Variants in FAP observed in about 807,000 individuals in gnomAD.
The protein encoded by FAP is fibroblast activation protein alpha.
In FAP, 110 loss-of-function variants were observed where a neutral mutation model predicts 126.5. The observed-to-expected ratio is 0.87, with a 90% CI of 0.74 to 1.02. FAP has a LOEUF of 1.02. Among genes scored for constraint, FAP ranks in the 50% least tolerant of loss-of-function variants. The pLI is 0.00. For missense variants in FAP, 919 were observed against 909.2 expected, an observed-to-expected ratio of 1.01 and a Z score of -0.14; for synonymous variants, 334 against 297.3, an observed-to-expected ratio of 1.12 and a Z score of -1.27.
chr2:162,231,156 A>G (rs1689885137), intron 2 of FAP, among the ~76,000 whole-genome samples: 1 of 152,192 alleles, frequency 6.6e-6, no homozygotes, highest in African/African-American at 2.4e-5. Flanking sequence ...ACTAGACTTA[A>G]GTAAGATTAT....
rs1689786008 is a variant in FAP at position 162,229,135 on chromosome 2, T to G, written c.92-2514A>C. On this transcript the variant is annotated intron_variant, in intron 2 of 25. Coordinates refer to ENST00000188790, the MANE Select transcript of FAP (RefSeq NM_004460.5). ...TGACATAGTTTTTCCTATTTAAGCA[T>G]CTTTGCATATAATTTTCCTTACTTG... Among the ~76,000 whole-genome samples the G allele has an allele frequency of 2.0e-5, 3 of 152,282 alleles. No homozygotes were observed. The South Asian group carries it at 6.2e-4, about 32-fold the overall frequency.
chr2:162,238,897 T>C (rs1168423722), intron 2 of FAP, among the ~76,000 whole-genome samples: 2 of 152,226 alleles, frequency 1.3e-5, no homozygotes, highest in Non-Finnish European at 2.9e-5. Context: ...TGATATTTCT[T>C]CTTAAAAAAT....
chr2:162,225,471 T>C lies in FAP; in HGVS notation c.285+12A>G, dbSNP rs1281356190. ...AAGGTTTCTGAGGGGGAAGATGATG[T>C]TGGATACATACCATGGTTCTATTAC... On this transcript the variant is annotated intron_variant, in intron 4 of 25. Transcript: ENST00000188790. 1.3e-6 allele frequency: 2 copies of C among 1,593,700 alleles called. No homozygotes were observed. Among genetic ancestry groups the C allele is most frequent in the African/African-American group, 1.4e-5 (1 of 73,890 alleles).
intron 12 of FAP, among the ~76,000 whole-genome samples, chr2:162,206,607 T>C (rs995090740): frequency 6.6e-6 from 1 of 152,212 alleles, no homozygotes; most frequent in African/African-American, 2.4e-5. Flanking sequence ...TTGATGTGAC[T>C]TTGCAGTCTA....
intron 17 of FAP, 37 bp from the exon 18 acceptor site, chr2:162,189,791 A>G (rs896329904): frequency 1.6e-6 from 2 of 1,216,106 alleles, no homozygotes; most frequent in East Asian, 2.4e-5. Flanking sequence ...AATCAATAGT[A>G]TTTCCATAAA....
At chr2:162,213,424 CAAAA>C (rs372977213) in intron 11 of FAP, among the ~76,000 whole-genome samples, 1 of 141,504 alleles carries the variant, frequency 7.1e-6, no homozygotes, top group East Asian at 2.0e-4. Context: ...AAAAAACAAA[CAAAA>C]AAAAAAACAG....
At chr2:162,218,743 G>GA (rs1407677030) in intron 8 of FAP, among the ~76,000 whole-genome samples, 2,080 of 146,858 alleles carry the variant, frequency 0.014, 37 homozygotes, top group African/African-American at 0.048. Context: ...GTTTAGTTTT[G>GA]AAAAAAAAAA....
At position 162,171,012 on chromosome 2, in the gene FAP, G is replaced by A. The variant is rs1031557350; in HGVS notation, c.2250C>T (p.His750=). 6.2e-7 allele frequency: 1 copy of A among 1,613,330 alleles called. No homozygotes were observed. Among genetic ancestry groups the A allele is most frequent in the Non-Finnish European group, 8.5e-7 (1 of 1,179,392 alleles). ...ACAAAGAGAAACACTGCTTTAGGAA[G>A]TGGGTCATGTGGGTGTATAAGTGGT... ...STNHLYTHMT[H]FLKQCFSLSD is the part of the protein sequence containing the mutation. The change falls in exon 26 of 26, where the codon CAC becomes CAT. Residue 750 remains histidine (H), a synonymous_variant. Coordinates refer to ENST00000188790, the MANE Select transcript of FAP (RefSeq NM_004460.5).
intron 16 of FAP, chr2:162,197,873 A>G (rs1443906702): frequency 6.0e-6 from 2 of 335,804 alleles, no homozygotes; most frequent in African/African-American, 4.3e-5. Context: ...TCTAACTCTC[A>G]GCCCCAAATT....
At chr2:162,204,620 G>A (rs57177843) in intron 12 of FAP, among the ~76,000 whole-genome samples, 2,629 of 152,246 alleles carry the variant, frequency 0.017, 82 homozygotes, top group African/African-American at 0.061. Flanking sequence ...ATGAGAAGCT[G>A]GAAGAGACAG....
intron 16 of FAP, chr2:162,198,375 T>G (rs764155148): frequency 2.3e-5 from 29 of 1,276,412 alleles, no homozygotes; most frequent in Non-Finnish European, 2.5e-5. Flanking sequence ...AGAACATTTC[T>G]TTTTCTGCGA....
Position 162,224,536 on chromosome 2 carries a change from C to G in FAP, c.290G>C (p.Ser97Thr). Residue 97 changes from serine (S) to threonine (T), a missense_variant, in exon 5 of 26, where the codon AGT (serine) becomes ACT (threonine). Coordinates refer to ENST00000188790, the MANE Select transcript of FAP (RefSeq NM_004460.5). The part of the protein sequence containing the change: ...YTILSNRTMK[S>T]VNASNYGLSP... ...TAAGCCGTAATTTGAAGCATTCACACTTTTCTGAAATTATGAAGAGGTTGA... is the reference window on the plus strand; with the variant it reads ...TAAGCCGTAATTTGAAGCATTCACAGTTTTCTGAAATTATGAAGAGGTTGA... The G allele has an allele frequency of 6.3e-7, 1 of 1,586,218 alleles. No individual in the cohort carries two copies. Among genetic ancestry groups the G allele is most frequent in the Non-Finnish European group, 8.6e-7 (1 of 1,166,796 alleles).
rs578244118 is a variant in FAP at position 162,208,278 on chromosome 2, C to T, written c.1047+1674G>A. On this transcript the variant is annotated intron_variant, in intron 12 of 25. Coordinates refer to ENST00000188790, the MANE Select transcript of FAP (RefSeq NM_004460.5). ...TTAAAAAAAAAAAAAAGGTCTAAAG[C>T]TTTGCAGGCAATTCATTCATTCATT... Among the ~76,000 whole-genome samples, 536 of 151,510 alleles carry T rather than the reference C, an allele frequency of 3.5e-3. 3 individuals carry two copies. The highest frequency in any genetic ancestry group is 0.012 in the African/African-American group (499 of 41,394).
intron 16 of FAP, chr2:162,194,997 C>G (rs1688197911): frequency 2.0e-6 from 1 of 512,806 alleles, no homozygotes; most frequent in Non-Finnish European, 3.5e-6. Context: ...AAGACTAATC[C>G]TGAATCATTA....
chr2:162,235,754 A>G (rs1576201592), intron 2 of FAP, among the ~76,000 whole-genome samples: 3 of 152,064 alleles, frequency 2.0e-5, no homozygotes, highest in Non-Finnish European at 4.4e-5. Context: ...CACACTGTGG[A>G]AGTCTTGTTC....
At chr2:162,234,962 G>A (rs923511927) in intron 2 of FAP, among the ~76,000 whole-genome samples, 1 of 152,154 alleles carries the variant, frequency 6.6e-6, no homozygotes, top group African/African-American at 2.4e-5. Flanking sequence ...AGCGGCCCGG[G>A]CAGTGAGGGA....
chr2:162,173,575 C>T (rs1157364918), intron 23 of FAP, 148 bp downstream of exon 23: 12 of 644,462 alleles, frequency 1.9e-5, no homozygotes, highest in Admixed American at 2.6e-5. Context: ...AGGAGTAAAA[C>T]CCTTTCTAGT....
chr2:162,173,691 A>G (rs1435098898), intron 23 of FAP, 32 bp downstream of exon 23: 1 of 1,385,616 alleles, frequency 7.2e-7, no homozygotes, highest in East Asian at 2.3e-5. Flanking sequence ...TTAGAAATTA[A>G]TTATTAACCT....
At chr2:162,214,676 A>G (rs1298346516) in intron 10 of FAP, among the ~76,000 whole-genome samples, 1 of 151,330 alleles carries the variant, frequency 6.6e-6, no homozygotes, top group African/African-American at 2.4e-5. Context: ...AGAGAACATC[A>G]ACATAAAATG....
Sources: gnomAD v4.1 joint callset for allele counts (sites outside exome capture counted in the v4.1 genomes callset) on GRCh38, gnomAD v4.1.1 for gene constraint, MANE v1.5 for transcripts, NCBI Gene and HGNC (gene_info 2026-07-23, HGNC 2026-07-21) for gene names.